CCDC171: variants seen among roughly 807,000 people sequenced by gnomAD.
CCDC171 encodes the protein coiled-coil domain-containing protein 171.
Under a neutral mutation model 168.2 loss-of-function variants are expected in CCDC171, and 177 were observed. The ratio of observed to expected loss-of-function variants is 1.05; its 90% confidence interval spans 0.93 to 1.19. The LOEUF (loss-of-function observed/expected upper bound fraction) is 1.19, where lower values mean the gene tolerates loss of function less well. Ranked by LOEUF, CCDC171 falls within the 50% of genes most tolerant of loss-of-function variation. CCDC171 has a pLI of 0.00. For missense variants in CCDC171, 1,991 were observed against 1,539.0 expected (o/e 1.29, Z -4.91); for synonymous variants, 687 against 540.8 (o/e 1.27, Z -3.75).
intron 7 of CCDC171, among the ~76,000 whole-genome samples, chr9:15,631,543 C>A (rs945512481): frequency 2.0e-5 from 3 of 151,918 alleles, no homozygotes; most frequent in African/African-American, 7.3e-5. Flanking sequence ...GCTTACCAAC[C>A]AAAAAGTCCA....
intron 2 of CCDC171, among the ~76,000 whole-genome samples, chr9:15,564,410 T>G (rs546240363): frequency 2.0e-5 from 3 of 152,392 alleles, no homozygotes; most frequent in African/African-American, 7.2e-5. Flanking sequence ...TTTCCACTAC[T>G]TTAAATGTTT....
intron 21 of CCDC171, among the ~76,000 whole-genome samples, chr9:15,798,063 G>T (rs1488704575): frequency 6.6e-6 from 1 of 152,012 alleles, no homozygotes; most frequent in Non-Finnish European, 1.5e-5. Context: ...GGATGCCTTG[G>T]AATTCATATT....
chr9:15,599,099 T>C (rs1189086431), intron 6 of CCDC171, among the ~76,000 whole-genome samples: 5 of 152,216 alleles, frequency 3.3e-5, no homozygotes, highest in Non-Finnish European at 1.5e-5. Flanking sequence ...TGACTCTTTA[T>C]CCAATTTGCC....
At chr9:15,960,873 A>G (rs940070705) in intron 25 of CCDC171, among the ~76,000 whole-genome samples, 5 of 152,126 alleles carry the variant, frequency 3.3e-5, no homozygotes, top group Non-Finnish European at 7.3e-5. Flanking sequence ...AGCCCTGGGG[A>G]GTATAGAGCT....
At chr9:15,875,824 A>G (rs1038346337) in intron 24 of CCDC171, 3 of 152,042 alleles carry the variant, frequency 2.0e-5, no homozygotes, top group Non-Finnish European at 4.4e-5. Flanking sequence ...TCTAAAATAT[A>G]TATAATTATA....
At chr9:16,061,916 C>G (rs1022113996), downstream of CCDC171, among the ~76,000 whole-genome samples, 6 of 152,200 alleles carry the variant, frequency 3.9e-5, no homozygotes, top group African/African-American at 1.2e-4. Context: ...GGAGCATTTA[C>G]TGATTTCCAT....
intron 23 of CCDC171, among the ~76,000 whole-genome samples, chr9:15,853,663 T>G (rs1009397975): frequency 4.0e-5 from 6 of 151,644 alleles, no homozygotes; most frequent in Non-Finnish European, 8.9e-5. Context: ...GACATGTTTG[T>G]TTTCTTCTTA....
chr9:15,657,862 G>A (rs186158998), intron 8 of CCDC171, among the ~76,000 whole-genome samples: 1 of 152,300 alleles, frequency 6.6e-6, no homozygotes, highest in Non-Finnish European at 1.5e-5. Flanking sequence ...TTTAGAGAAT[G>A]AGAAGGAATT....
intron 21 of CCDC171, among the ~76,000 whole-genome samples, chr9:15,789,466 A>G (rs2058134807): frequency 6.6e-6 from 1 of 152,204 alleles, no homozygotes; most frequent in Non-Finnish European, 1.5e-5. Context: ...AGTGATAATC[A>G]ATAGTATTCC....
Position 15,591,439 on chromosome 9 carries a change from A to T in CCDC171, c.426A>T (p.Lys142Asn). Reference sequence around the variant, plus strand: ...TTCAGACTTCTCAGCAAAAATGGAAAGAAGAATGCAGAAGATTTGAACATG... The same window carrying T: ...TTCAGACTTCTCAGCAAAAATGGAATGAAGAATGCAGAAGATTTGAACATG... The part of the protein sequence containing the change: ...KAFQTSQQKW[K>N]EECRRFEHDL... Residue 142 changes from lysine (K) to asparagine (N), a missense_variant, in exon 5 of 26, where the codon AAA (lysine) becomes AAT (asparagine). Physicochemically the swap from Lys to Asn is moderately conservative, Grantham distance 94. Transcript: ENST00000380701. The T allele has an allele frequency of 6.2e-7, 1 of 1,608,466 alleles. No individual in the cohort carries two copies. Among genetic ancestry groups the T allele is most frequent in the African/African-American group, 1.3e-5 (1 of 74,782 alleles).
rs1249132090 is a variant in CCDC171, at chr9:16,005,916, A to AT, written n.369-14669dup. On this transcript the variant is annotated intron_variant and non_coding_transcript_variant, in intron 3 of 9. Coordinates refer to the CCDC171 transcript ENST00000486641. Reference sequence around the variant, plus strand: ...AAGTGCTAGATTGTTTTCTTTTTTTATTTTATTTTTTGAGATGGAGTCTCG... The same window carrying AT: ...AAGTGCTAGATTGTTTTCTTTTTTTATTTTTATTTTTTGAGATGGAGTCTCG... Among the ~76,000 whole-genome samples, 337 of 151,850 alleles carry AT rather than the reference A, an allele frequency of 2.2e-3. 3 individuals are homozygous for AT. Among genetic ancestry groups the AT allele is most frequent in the Admixed American group, 7.2e-3 (109 of 15,228 alleles).
the CCDC171 span, among the ~76,000 whole-genome samples, chr9:16,102,495 G>A: frequency 7.8e-4 from 115 of 148,164 alleles, 4 homozygotes; most frequent in South Asian, 2.2e-4. Context: ...TGTTGGGGGG[G>A]GGCGGGGGTG....
intron 21 of CCDC171, among the ~76,000 whole-genome samples, chr9:15,791,022 A>G (rs1465449260): frequency 2.0e-5 from 3 of 152,172 alleles, no homozygotes; most frequent in Non-Finnish European, 4.4e-5. Context: ...GTTTGAAGTC[A>G]GGTAGCGTGA....
At chr9:15,568,058 T>A (rs1316424421) in intron 2 of CCDC171, among the ~76,000 whole-genome samples, 2 of 151,366 alleles carry the variant, frequency 1.3e-5, no homozygotes, top group Non-Finnish European at 2.9e-5. Context: ...TATAGAAGTA[T>A]AATTGATTTT....
chr9:16,037,400 A>G (rs1397323427), intron 8 of CCDC171, among the ~76,000 whole-genome samples: 1 of 152,238 alleles, frequency 6.6e-6, no homozygotes, highest in African/African-American at 2.4e-5. Context: ...ACCACACAAG[A>G]TCCCCTGAAT....
chr9:16,056,975 T>G (rs1228805652), intron 1 of CCDC171, among the ~76,000 whole-genome samples: 2 of 152,204 alleles, frequency 1.3e-5, no homozygotes, highest in African/African-American at 4.8e-5. Context: ...TATTGGAGTT[T>G]TTATTTAAAT....
At chr9:16,018,668 T>C (rs912230048) in intron 3 of CCDC171, among the ~76,000 whole-genome samples, 2 of 152,256 alleles carry the variant, frequency 1.3e-5, no homozygotes, top group African/African-American at 4.8e-5. Context: ...GAATATAACA[T>C]GAATGGCACC....
intron 9 of CCDC171, among the ~76,000 whole-genome samples, chr9:15,668,000 ATAT>A (rs1318634835): frequency 3.9e-5 from 6 of 152,246 alleles, no homozygotes; most frequent in Non-Finnish European, 7.3e-5. Context: ...ATGTATTCAA[ATAT>A]TATTCTGCAT....
chr9:15,918,429 A>G (rs1162721748), intron 24 of CCDC171, among the ~76,000 whole-genome samples: 1 of 65,794 alleles, frequency 1.5e-5, no homozygotes, highest in African/African-American at 3.1e-5. Context: ...TAAGACTCAG[A>G]AAAAAAAAAA....
Sources: gnomAD v4.1 joint callset for allele counts (sites outside exome capture counted in the v4.1 genomes callset) on GRCh38, gnomAD v4.1.1 for gene constraint, MANE v1.5 for transcripts, NCBI Gene and HGNC (gene_info 2026-07-23, HGNC 2026-07-21) for gene names.